LRP2: variants seen among roughly 807,000 people sequenced by gnomAD.
The protein encoded by LRP2 is LDL receptor related protein 2, also known as low-density lipoprotein receptor-related protein 2.
In LRP2, 172 loss-of-function variants were observed where a neutral mutation model predicts 531.0. The ratio of observed to expected loss-of-function variants is 0.32; its 90% CI spans 0.29 to 0.37. LRP2 has a LOEUF of 0.37. Ranked by LOEUF, LRP2 falls within the 10% of genes least tolerant of loss-of-function variation. The probability of loss-of-function intolerance (pLI) is 1.00; values close to 1 mark genes in which losing one functional copy is unlikely to be tolerated. For synonymous variants in LRP2, 1,992 were observed against 2,027.6 expected (o/e 0.98, Z 0.47); for missense variants, 5,167 against 5,868.3 (o/e 0.88, Z 3.90).
At chr2:169,290,642 G>C (rs1683975554) in intron 8 of LRP2, among the ~76,000 whole-genome samples, 1 of 152,174 alleles carries the variant, frequency 6.6e-6, no homozygotes, top group South Asian at 2.1e-4. Flanking sequence ...ATCCTGACGT[G>C]TGAGTGAGCT....
intron 37 of LRP2, among the ~76,000 whole-genome samples, chr2:169,211,760 T>C (rs1688601410): frequency 6.6e-6 from 1 of 152,160 alleles, no homozygotes; most frequent in Non-Finnish European, 1.5e-5. Context: ...GGGGACGAGG[T>C]CTGGAGCTGT....
chr2:169,206,605 A>C lies in LRP2; in HGVS notation c.7115T>G (p.Phe2372Cys). ...CTTGCCATCACTTTGCAGGGTCCCA[A>C]AGGCACAGTCACATTTTGGGGTGTG... ...GLHTPKCDCAFGTLQSDGKNC... is the reference protein window; with the variant it reads ...GLHTPKCDCACGTLQSDGKNC... The change falls in exon 39 of 79, where the codon TTT (phenylalanine) becomes TGT (cysteine). Residue 2372 changes from phenylalanine to cysteine, a missense_variant. Transcript: ENST00000649046. 1 of 1,614,124 alleles carries C rather than the reference A, an allele frequency of 6.2e-7. No individual in the cohort carries two copies. The highest frequency in any genetic ancestry group is 8.5e-7 in the Non-Finnish European group (1 of 1,180,016).
chr2:169,325,663 A>G (rs1397190226), intron 1 of LRP2, among the ~76,000 whole-genome samples: 2 of 152,238 alleles, frequency 1.3e-5, no homozygotes, highest in Non-Finnish European at 2.9e-5. Flanking sequence ...TCAAATTGAT[A>G]GAATAGTCAA....
intron 37 of LRP2, among the ~76,000 whole-genome samples, chr2:169,210,962 G>A (rs1056810674): frequency 6.6e-6 from 1 of 152,134 alleles, no homozygotes; most frequent in Non-Finnish European, 1.5e-5. Context: ...TTGGTAAAGG[G>A]TATAAGGATA....
At chr2:169,277,683 A>T in intron 13 of LRP2, 62 bp downstream of exon 13, 1 of 1,431,888 alleles carries the variant, frequency 7.0e-7, no homozygotes, top group Non-Finnish European at 9.8e-7. Flanking sequence ...ATTTCTCTGC[A>T]GCCATTTTAT....
In LRP2 at chr2:169,165,956, C is replaced by T. The variant is rs1350728472; in HGVS notation, c.11734G>A (p.Gly3912Arg). 1.9e-6 allele frequency: 3 copies of T among 1,613,934 alleles called. No homozygotes were observed. The highest frequency in any genetic ancestry group is 1.3e-5 in the African/African-American group (1 of 74,902). ...CAGTGCTCCTCTGTCTCATCAGTTC[C>T]ATCTCCACAGTCATCCACACCATTG... is the stretch of plus-strand genomic sequence containing the variant. ...VCNGVDDCGD[G>R]TDETEEHCRK... The change falls in exon 62 of 79, where the codon GGA (glycine) becomes AGA (arginine). Residue 3912 changes from glycine to arginine, a missense_variant. Physicochemically the swap from Gly to Arg is moderately radical, Grantham distance 125. Around this residue, in one of 6 missense-constraint regions of LRP2, gnomAD observed 564 missense variants for 747.7 expected, o/e 0.75. Coordinates refer to ENST00000649046, the MANE Select transcript of LRP2 (RefSeq NM_004525.3).
chr2:169,137,049 T>C (rs1685540794), intron 76 of LRP2, among the ~76,000 whole-genome samples: 1 of 152,200 alleles, frequency 6.6e-6, no homozygotes, highest in African/African-American at 2.4e-5. Context: ...TCACAAGTAT[T>C]TGTAGAGAAG....
At position 169,176,330 on chromosome 2, in the gene LRP2, C is replaced by T. The variant is rs528005894; in HGVS notation, c.10571+81G>A. On this transcript the variant is annotated intron_variant, in intron 54 of 78. Transcript: ENST00000649046. ...ACCAAAATCTTGTCTCACTAGAAAA[C>T]TCCCATCCCTTGGAGCCTTGAAGGT... 2.7e-5 allele frequency: 42 copies of T among 1,547,552 alleles called. 1 individual carries two copies. The African/African-American group carries it at 3.3e-4, about 12-fold the overall frequency.
intron 34 of LRP2, among the ~76,000 whole-genome samples, chr2:169,216,689 C>A (rs1688809340): frequency 6.6e-6 from 1 of 152,140 alleles, no homozygotes; most frequent in South Asian, 2.1e-4. Flanking sequence ...ATCCCACTGG[C>A]AGCTGAACTT....
At position 169,176,566 on chromosome 2, in the gene LRP2, G is replaced by A; in HGVS notation, c.10416C>T (p.Asn3472=). Residue 3472 remains asparagine (N), a synonymous_variant, in exon 54 of 79, where the codon AAC becomes AAT. Transcript: ENST00000649046. ...GGCAGAGATGAGAACAGCCACCATT[G>A]TTGGTACCACAGGGATTGCTCACTA... ...QPIVSNPCGT[N]NGGCSHLCLI... is the part of the protein sequence containing the mutation. 6.2e-7 allele frequency: 1 copy of A among 1,614,170 alleles called. No individual in the cohort carries two copies. The highest frequency in any genetic ancestry group is 1.3e-5 in the African/African-American group (1 of 75,046).
chr2:169,223,446 A>G (rs1689087504), intron 33 of LRP2, among the ~76,000 whole-genome samples: 1 of 152,240 alleles, frequency 6.6e-6, no homozygotes, highest in African/African-American at 2.4e-5. Flanking sequence ...TGGAATTAAG[A>G]CAGCTTTGCA....
rs1399070692 is a variant in LRP2, at chr2:169,251,739, G to A, written c.2771-4224C>T. 1.9e-4 allele frequency among the ~76,000 whole-genome samples: 17 copies of A among 91,128 alleles called. 5 individuals carry two copies. The highest frequency in any genetic ancestry group is 2.6e-4 in the Non-Finnish European group (13 of 49,530). The allele number at this position is 91,128 out of a possible 152,430, so 59.8% of individuals were successfully genotyped here. ...AAAGGATCAACAAAATTGATAGACC[G>A]CTAGCAAGACTAATAAAGAAAGAAG... On this transcript the variant is annotated intron_variant, in intron 19 of 78. Transcript: ENST00000649046.
intron 9 of LRP2, 119 bp from the exon 10 acceptor site, chr2:169,283,120 C>G (rs1279153804): frequency 2.0e-6 from 2 of 976,856 alleles, no homozygotes; most frequent in South Asian, 1.3e-5. Context: ...TAAATAAACA[C>G]CCTCTGGAAT....
intron 4 of LRP2, among the ~76,000 whole-genome samples, chr2:169,294,930 G>A (rs1684098331): frequency 6.6e-6 from 1 of 152,054 alleles, no homozygotes; most frequent in South Asian, 2.1e-4. Context: ...ATTACAAACT[G>A]GGATAAGTGC....
At chr2:169,307,494 T>C (rs750011249) in intron 3 of LRP2, 97 bp from the exon 4 acceptor site, 5 of 786,110 alleles carry the variant, frequency 6.4e-6, no homozygotes, top group South Asian at 1.4e-5. Context: ...ATAAAGTTCA[T>C]AGGGACACAA....
At chr2:169,274,447 G>T (rs1356526754) in intron 14 of LRP2, among the ~76,000 whole-genome samples, 1 of 152,016 alleles carries the variant, frequency 6.6e-6, no homozygotes, top group Non-Finnish European at 1.5e-5. Flanking sequence ...AAATCACGTG[G>T]TAAAATAACA....
At position 169,142,727 on chromosome 2, in the gene LRP2, G is replaced by T; in HGVS notation, c.13055C>A (p.Ala4352Asp). ...CLLRPGGYSC[A>D]CPQGSSFIEG... is the part of the protein sequence containing the mutation. ...TATAAAGCTGGAGCCTTGGGGACAG[G>T]CACAGCTGTATCCTCCAGGTCTCAG... is the stretch of plus-strand genomic sequence containing the variant. The change falls in exon 71 of 79, where the codon GCC becomes GAC. Residue 4352 changes from alanine (A) to aspartate (D), a missense_variant. Physicochemically the swap from Ala to Asp is moderately radical, Grantham distance 126. This residue lies in a region of LRP2 where 4 missense variants were observed against 21.2 expected (regional missense o/e 0.19). Coordinates refer to ENST00000649046, the MANE Select transcript of LRP2 (RefSeq NM_004525.3). The T allele has an allele frequency of 6.2e-7, 1 of 1,614,068 alleles. No individual in the cohort carries two copies. The highest frequency in any genetic ancestry group is 1.1e-5 in the South Asian group (1 of 91,084).
chr2:169,225,527 G>T, intron 32 of LRP2, 74 bp from the exon 33 acceptor site: 1 of 1,535,776 alleles, frequency 6.5e-7, no homozygotes, highest in Non-Finnish European at 9.0e-7. Context: ...TCTTCACTGT[G>T]GCTACTGCCA....
chr2:169,277,340 C>T (rs994221752), intron 13 of LRP2, among the ~76,000 whole-genome samples: 2 of 151,998 alleles, frequency 1.3e-5, no homozygotes, highest in Non-Finnish European at 2.9e-5. Flanking sequence ...AATTAATTCC[C>T]AGTAGGCAAC....
Sources: gnomAD v4.1 joint callset for allele counts (sites outside exome capture counted in the v4.1 genomes callset) on GRCh38, gnomAD v4.1.1 for gene constraint, gnomAD v4.1.1 regional missense constraint, MANE v1.5 for transcripts, NCBI Gene and HGNC (gene_info 2026-07-23, HGNC 2026-07-21) for gene names.